The following ITGAV variants were observed in gnomAD, a reference collection of about 807,000 sequenced individuals.
The protein encoded by ITGAV is integrin subunit alpha V, also known as integrin alpha-V.
Under a neutral mutation model 143.8 loss-of-function variants are expected in ITGAV, and 76 were observed. The ratio of observed to expected loss-of-function variants is 0.53; its 90% CI spans 0.44 to 0.64. ITGAV has a LOEUF of 0.64. Ranked by LOEUF, ITGAV falls within the 30% of genes least tolerant of loss-of-function variation. ITGAV has a pLI of 0.00. For missense variants in ITGAV, 1,193 were observed against 1,274.7 expected, an observed-to-expected ratio of 0.94 and a Z score of 0.98; for synonymous variants, 453 against 446.7, an observed-to-expected ratio of 1.01 and a Z score of -0.18.
chr2:186,640,145 TTTTA>T (rs1207563528), intron 10 of ITGAV, among the ~76,000 whole-genome samples: 2 of 152,230 alleles, frequency 1.3e-5, no homozygotes, highest in African/African-American at 4.8e-5. Context: ...CTGTCATCTC[TTTTA>T]GTTTTGTTTT....
chr2:186,678,575 G>A lies in ITGAV; in HGVS notation c.*1283G>A, dbSNP rs7556971. ...AACCTTTTAAACCTTTCTGAAGTTC[G>A]TTAGTATAAATTACTTTTCTAGGAT... On this transcript the variant is annotated 3_prime_UTR_variant, in exon 30 of 30. Coordinates refer to ENST00000261023, the MANE Select transcript of ITGAV (RefSeq NM_002210.5). 4,283 of 307,972 alleles carry A rather than the reference G, an allele frequency of 0.014. 104 individuals carry two copies. Among genetic ancestry groups the A allele is most frequent in the Admixed American group, 0.06 (1,352 of 22,496 alleles). 19.1% of individuals were successfully genotyped at this position (307,972 alleles called of 1,614,324 possible).
intron 2 of ITGAV, among the ~76,000 whole-genome samples, chr2:186,607,583 C>CA (rs568714033): frequency 4.7e-5 from 7 of 150,154 alleles, no homozygotes; most frequent in African/African-American, 9.8e-5. Context: ...TGTGTGTGGA[C>CA]AAAAAAAAAT....
At chr2:186,623,008 C>A (rs1433913729) in intron 3 of ITGAV, among the ~76,000 whole-genome samples, 3 of 152,146 alleles carry the variant, frequency 2.0e-5, no homozygotes, top group Non-Finnish European at 4.4e-5. Flanking sequence ...AGGTGAGCCA[C>A]CGAGCCTGGC....
intron 13 of ITGAV, among the ~76,000 whole-genome samples, chr2:186,648,159 T>C (rs1688314123): frequency 6.6e-6 from 1 of 152,210 alleles, no homozygotes; most frequent in East Asian, 1.9e-4. Flanking sequence ...ATTTACCTTT[T>C]TTTGTGGCAT....
intron 10 of ITGAV, among the ~76,000 whole-genome samples, chr2:186,639,274 T>C (rs745811396): frequency 1.3e-5 from 2 of 152,196 alleles, no homozygotes; most frequent in Non-Finnish European, 2.9e-5. Flanking sequence ...GAGAAAAATC[T>C]TTCTCAAAGT....
chr2:186,594,037 G>T (rs1337780955), intron 1 of ITGAV, among the ~76,000 whole-genome samples: 1 of 152,158 alleles, frequency 6.6e-6, no homozygotes, highest in Non-Finnish European at 1.5e-5. Context: ...AGTTGGCAAT[G>T]TGTAGATGTG....
intron 28 of ITGAV, 97 bp from the exon 29 acceptor site, chr2:186,676,716 T>G (rs1304480435): frequency 7.8e-7 from 1 of 1,285,942 alleles, no homozygotes; most frequent in Non-Finnish European, 1.1e-6. Flanking sequence ...AAGAATATAC[T>G]GTGAATTCCA....
At chr2:186,606,307 G>A (rs1687063547) in intron 2 of ITGAV, among the ~76,000 whole-genome samples, 1 of 152,176 alleles carries the variant, frequency 6.6e-6, no homozygotes, top group South Asian at 2.1e-4. Flanking sequence ...CAGCCTCCCT[G>A]GGGCTCAAAC....
At chr2:186,646,593 C>T in intron 12 of ITGAV, 93 bp from the exon 13 acceptor site, 2 of 817,904 alleles carry the variant, frequency 2.4e-6, no homozygotes. Context: ...TGCCCTCTTC[C>T]CCCCTTCTCT....
At chr2:186,670,807 A>G (rs1049613141) in intron 26 of ITGAV, among the ~76,000 whole-genome samples, 1 of 152,162 alleles carries the variant, frequency 6.6e-6, no homozygotes, top group Non-Finnish European at 1.5e-5. Flanking sequence ...TCAGATTCCA[A>G]TATCCAACTG....
intron 2 of ITGAV, among the ~76,000 whole-genome samples, chr2:186,613,711 G>A (rs941079063): frequency 2.0e-5 from 3 of 152,014 alleles, no homozygotes; most frequent in Non-Finnish European, 2.9e-5. Context: ...TTGTCCTTTC[G>A]TTAATAGTAC....
chr2:186,590,639 A>C, intron 1 of ITGAV, 116 bp downstream of exon 1: 1 of 930,100 alleles, frequency 1.1e-6, no homozygotes, highest in Non-Finnish European at 1.6e-6. Context: ...TGTCTCACCC[A>C]TCCTACCTCT....
chr2:186,644,292 C>T (rs1433858518), intron 12 of ITGAV, among the ~76,000 whole-genome samples: 4 of 151,358 alleles, frequency 2.6e-5, no homozygotes, highest in Non-Finnish European at 4.4e-5. Context: ...AGAAGTTATG[C>T]TTATCTTTGG....
At chr2:186,647,266 G>A (rs1688289820) in intron 13 of ITGAV, among the ~76,000 whole-genome samples, 1 of 144,236 alleles carries the variant, frequency 6.9e-6, no homozygotes, top group Non-Finnish European at 1.5e-5. Flanking sequence ...GACAAGGTAT[G>A]TCTCTATTGC....
chr2:186,623,164 T>C (rs993650661), intron 3 of ITGAV, among the ~76,000 whole-genome samples: 2 of 152,228 alleles, frequency 1.3e-5, no homozygotes, highest in African/African-American at 2.4e-5. Flanking sequence ...ATGTTTTCTA[T>C]GGTAACCATC....
chr2:186,661,267 C>T (rs1432497872), intron 18 of ITGAV, among the ~76,000 whole-genome samples: 1 of 152,114 alleles, frequency 6.6e-6, no homozygotes, highest in Admixed American at 6.5e-5. Context: ...ATGTAATTCA[C>T]AGTTGAAAAA....
At chr2:186,653,082 A>G (rs1240801403) in intron 15 of ITGAV, among the ~76,000 whole-genome samples, 1 of 151,714 alleles carries the variant, frequency 6.6e-6, no homozygotes, top group Non-Finnish European at 1.5e-5. Context: ...AGTAGCTGGG[A>G]CTACAGGCGC....
intron 26 of ITGAV, among the ~76,000 whole-genome samples, chr2:186,674,625 C>G (rs540036647): frequency 6.6e-6 from 1 of 152,188 alleles, no homozygotes; most frequent in African/African-American, 2.4e-5. Context: ...GATTCTCCTG[C>G]CTTAGCCTCC....
intron 10 of ITGAV, among the ~76,000 whole-genome samples, chr2:186,639,719 T>A (rs1265036446): frequency 6.6e-6 from 1 of 152,292 alleles, no homozygotes; most frequent in East Asian, 1.9e-4. Context: ...GTTTCTTATT[T>A]ATAAAAATAG....
Sources: allele counts gnomAD v4.1 joint callset (sites outside exome capture counted in the v4.1 genomes callset), GRCh38; gene constraint gnomAD v4.1.1; transcripts MANE v1.5; gene names NCBI Gene and HGNC (gene_info 2026-07-23, HGNC 2026-07-21).